COL5A1: variants seen among roughly 807,000 people sequenced by gnomAD.
COL5A1 encodes the protein collagen alpha-1(V) chain.
Under a neutral mutation model 263.7 loss-of-function variants are expected in COL5A1, and 16 were observed. The ratio of observed to expected loss-of-function variants is 0.06; its 90% CI spans 0.04 to 0.09. The LOEUF is 0.09. Among genes scored for constraint, COL5A1 ranks in the 10% least tolerant of loss-of-function variants. The probability of loss-of-function intolerance (pLI) is 1.00; values close to 1 mark genes in which losing one functional copy is unlikely to be tolerated. For missense variants in COL5A1, 2,036 were observed against 2,540.5 expected, an observed-to-expected ratio of 0.80 and a Z score of 4.27; for synonymous variants, 1,012 against 1,004.5, an observed-to-expected ratio of 1.01 and a Z score of -0.14.
chr9:134,754,172 GC>G lies in COL5A1; in HGVS notation c.1774-99del. The G allele has an allele frequency of 1.5e-6, 2 of 1,300,300 alleles. No individual in the cohort carries two copies. The highest frequency in any genetic ancestry group is 2.2e-6 in the Non-Finnish European group (2 of 912,204). 80.5% of individuals were successfully genotyped at this position (1,300,300 alleles called of 1,614,324 possible). ...TGCCCACATGTTTGTGGCTTGGACA[GC>G]CAGGCATGGGCAGGGTCGATGAGCA... On this transcript the variant is annotated intron_variant, in intron 15 of 65. Transcript: ENST00000371817. This position sits in a 1 kb window ranked among gnomAD's most constrained non-coding sequence, Gnocchi z 4.3.
intron 4 of COL5A1, chr9:134,708,952 T>C (rs1410393335): frequency 4.4e-6 from 2 of 456,476 alleles, no homozygotes; most frequent in African/African-American, 4.0e-5. Flanking sequence ...TGCCTCCGTC[T>C]TTACACAGCC....
chr9:134,783,943 G>A (rs1225115778), intron 29 of COL5A1, among the ~76,000 whole-genome samples: 2 of 152,218 alleles, frequency 1.3e-5, no homozygotes, highest in African/African-American at 2.4e-5. Flanking sequence ...TGGCGTCCAC[G>A]TGACGAGGGT....
rs577953839 is a variant in COL5A1 at position 134,841,662 on chromosome 9, G to T, written c.5371-495G>T. 3.1e-4 allele frequency among the ~76,000 whole-genome samples: 47 copies of T among 152,200 alleles called. No homozygotes were observed. Among genetic ancestry groups the T allele is most frequent in the African/African-American group, 9.6e-4 (40 of 41,522 alleles). On this transcript the variant is annotated intron_variant, in intron 65 of 65. Transcript: ENST00000371817. The surrounding 1 kb of genome is among the most constrained non-coding windows in gnomAD (Gnocchi z 4.8). ...AGTGTGTGGCAGGTGGTCGTAGGGG[G>T]GTCTTACTTGGCTCAAGGCTCTGCC...
rs778121353 is a variant in COL5A1, at chr9:134,796,182, C to T, written c.2800-192C>T. On this transcript the variant is annotated intron_variant, in intron 34 of 65. Coordinates refer to ENST00000371817, the MANE Select transcript of COL5A1 (RefSeq NM_000093.5). Reference sequence around the variant, plus strand: ...GGGCTGTCAGCTGCATGCAGAGGCACGGGGACAGGCAGGCTTTGATAGCCA... The same window carrying T: ...GGGCTGTCAGCTGCATGCAGAGGCATGGGGACAGGCAGGCTTTGATAGCCA... Among the ~76,000 whole-genome samples, 13 of 152,192 alleles carry T rather than the reference C, an allele frequency of 8.5e-5. 1 individual carries two copies. The highest frequency in any genetic ancestry group is 2.7e-4 in the African/African-American group (11 of 41,436).
chr9:134,838,233 A>G (rs866604000), intron 65 of COL5A1, among the ~76,000 whole-genome samples: 5 of 152,284 alleles, frequency 3.3e-5, no homozygotes, highest in African/African-American at 1.2e-4. Flanking sequence ...TCCACCCACT[A>G]GATGCCAGTA....
At chr9:134,805,630 G>A (rs1000742512) in intron 41 of COL5A1, among the ~76,000 whole-genome samples, 7 of 152,170 alleles carry the variant, frequency 4.6e-5, no homozygotes, top group Non-Finnish European at 8.8e-5. Flanking sequence ...GGCCCACTGG[G>A]CAGGATGGCC....
chr9:134,755,986 C>T lies in COL5A1; in HGVS notation c.1828-779C>T, dbSNP rs1490651435. ...CCTCTATACTCGCTGGCTGGGGTGC[C>T]TCGTTGTGCAGGGTGGCAGCCCTCT... On this transcript the variant is annotated intron_variant, in intron 16 of 65. Coordinates refer to ENST00000371817, the MANE Select transcript of COL5A1 (RefSeq NM_000093.5). This position sits in a 1 kb window ranked among gnomAD's most constrained non-coding sequence, Gnocchi z 4.1. Among the ~76,000 whole-genome samples, 1 of 151,922 alleles carries T rather than the reference C, an allele frequency of 6.6e-6. No homozygotes were observed. Among genetic ancestry groups the T allele is most frequent in the Non-Finnish European group, 1.5e-5 (1 of 67,982 alleles).
chr9:134,783,746 G>A (rs1316385567), intron 29 of COL5A1, among the ~76,000 whole-genome samples: 1 of 152,162 alleles, frequency 6.6e-6, no homozygotes, highest in Non-Finnish European at 1.5e-5. Flanking sequence ...GCACCTCTGT[G>A]GGAAGGAAGG....
intron 2 of COL5A1, among the ~76,000 whole-genome samples, chr9:134,695,710 C>T (rs1395912434): frequency 2.6e-5 from 4 of 152,188 alleles, no homozygotes; most frequent in African/African-American, 9.7e-5. Context: ...GACTGGAGAC[C>T]GTCTCTTCCT....
chr9:134,756,171 C>T (rs1835966025), intron 16 of COL5A1, among the ~76,000 whole-genome samples: 1 of 152,158 alleles, frequency 6.6e-6, no homozygotes, highest in African/African-American at 2.4e-5. Flanking sequence ...GTCAGTTGGG[C>T]ACCTTGTCCT....
intron 53 of COL5A1, among the ~76,000 whole-genome samples, chr9:134,817,365 G>C (rs1271593923): frequency 6.6e-6 from 1 of 152,240 alleles, no homozygotes. Flanking sequence ...TTTTCCCCTG[G>C]CTCAGGTTTT....
rs558601954 is a variant in COL5A1, at chr9:134,667,818, G to A, written c.110-23094G>A. On this transcript the variant is annotated intron_variant, in intron 1 of 65. Coordinates refer to ENST00000371817, the MANE Select transcript of COL5A1 (RefSeq NM_000093.5). ...GGGCTCTGTGGAGCAATAGGGATCCGTTCATCCTAGAAAAGGAGCTGAAAT... is the reference window on the plus strand; with the variant it reads ...GGGCTCTGTGGAGCAATAGGGATCCATTCATCCTAGAAAAGGAGCTGAAAT... Among the ~76,000 whole-genome samples, 88 of 152,316 alleles carry A rather than the reference G, an allele frequency of 5.8e-4. 1 individual carries two copies. Among genetic ancestry groups the A allele is most frequent in the Non-Finnish European group, 2.1e-4 (14 of 68,020 alleles).
In COL5A1 at chr9:134,815,993, G is replaced by A; in HGVS notation, c.4122+5G>A. The A allele has an allele frequency of 1.2e-6, 2 of 1,614,052 alleles. No individual in the cohort carries two copies. Among genetic ancestry groups the A allele is most frequent in the Non-Finnish European group, 1.7e-6 (2 of 1,179,980 alleles). ...GATGGTGAACCCGGGCAGACGGTGAGTCCACAATCTGGGCTGGCTTCCTGG... is the reference window on the plus strand; with the variant it reads ...GATGGTGAACCCGGGCAGACGGTGAATCCACAATCTGGGCTGGCTTCCTGG... On this transcript the variant is annotated splice_donor_5th_base_variant and intron_variant, in intron 52 of 65. Transcript: ENST00000371817.
At chr9:134,736,468 C>T (rs1240991872) in intron 9 of COL5A1, among the ~76,000 whole-genome samples, 2 of 152,226 alleles carry the variant, frequency 1.3e-5, no homozygotes, top group Non-Finnish European at 2.9e-5. Context: ...TGCATTCACC[C>T]ATCCAGGAAG....
intron 18 of COL5A1, among the ~76,000 whole-genome samples, chr9:134,760,222 C>CACCA (rs1554794436): frequency 4.6e-4 from 47 of 101,958 alleles, no homozygotes; most frequent in South Asian, 7.1e-4. Flanking sequence ...CATGCACACA[C>CACCA]CACATGCACA....
Position 134,758,135 on chromosome 9 carries a change from G to A in COL5A1, c.1882-108G>A, listed in dbSNP as rs1054984023. The A allele has an allele frequency of 9.1e-7, 1 of 1,096,200 alleles. No homozygotes were observed. Among genetic ancestry groups the A allele is most frequent in the Non-Finnish European group, 1.4e-6 (1 of 713,060 alleles). 67.9% of individuals were successfully genotyped at this position (1,096,200 alleles called of 1,614,324 possible). On this transcript the variant is annotated intron_variant, in intron 17 of 65. Coordinates refer to ENST00000371817, the MANE Select transcript of COL5A1 (RefSeq NM_000093.5). This position sits in a 1 kb window ranked among gnomAD's most constrained non-coding sequence, Gnocchi z 4.1. Reference sequence around the variant, plus strand: ...ATGGGGTTCAGGGTGCATAGATGCTGTGTGAAACGTGGTCCAAGGCGGGGC... The same window carrying A: ...ATGGGGTTCAGGGTGCATAGATGCTATGTGAAACGTGGTCCAAGGCGGGGC...
chr9:134,800,228 T>G lies in COL5A1; in HGVS notation c.2953-1726T>G, dbSNP rs189808049. Among the ~76,000 whole-genome samples the G allele has an allele frequency of 3.3e-4, 50 of 152,350 alleles. 2 individuals carry two copies. The highest frequency in any genetic ancestry group is 1.2e-3 in the African/African-American group (48 of 41,572). ...CCGAGGGCCCTGGGGAGGCCTTTTT[T>G]GTTTCGTGTTAACTTTGACATTAGC... On this transcript the variant is annotated intron_variant, in intron 37 of 65. Transcript: ENST00000371817.
In COL5A1 at chr9:134,817,764, C is replaced by A. The variant is rs749716820; in HGVS notation, c.4177-14C>A. ...GGCCACACTCACCACCTGCTGTTCT[C>A]TTGCTTCTTTCAGGGTCCCCCAGGC... On this transcript the variant is annotated splice_polypyrimidine_tract_variant and intron_variant, in intron 53 of 65. Transcript: ENST00000371817. The A allele has an allele frequency of 6.2e-7, 1 of 1,611,388 alleles. No homozygotes were observed. Among genetic ancestry groups the A allele is most frequent in the South Asian group, 1.1e-5 (1 of 90,522 alleles).
chr9:134,737,468 C>T (rs1442513475), intron 9 of COL5A1, among the ~76,000 whole-genome samples: 1 of 152,158 alleles, frequency 6.6e-6, no homozygotes, highest in Non-Finnish European at 1.5e-5. Context: ...TAGCTTGCCT[C>T]AAAGATCTCT....
Sources: gnomAD v4.1 joint callset for allele counts (sites outside exome capture counted in the v4.1 genomes callset) on GRCh38, gnomAD v4.1.1 for gene constraint, Gnocchi (gnomAD v3.1) non-coding constraint, MANE v1.5 for transcripts, NCBI Gene and HGNC (gene_info 2026-07-23, HGNC 2026-07-21) for gene names.